Variants in ENOX2 observed in about 807,000 individuals in gnomAD.
The protein encoded by ENOX2 is ecto-NOX disulfide-thiol exchanger 2, also known as APK1 antigen.
In ENOX2, 36 loss-of-function variants were observed where a neutral mutation model predicts 45.0. That is an observed-to-expected ratio of 0.80 (90% CI 0.61 to 1.06). The LOEUF (loss-of-function observed/expected upper bound fraction) is 1.06. Ranked by LOEUF, ENOX2 falls within the 50% of genes least tolerant of loss-of-function variation. The pLI, the probability that ENOX2 is intolerant of heterozygous loss-of-function variation, is 0.00. For missense variants in ENOX2, 423 were observed against 462.5 expected, an observed-to-expected ratio of 0.91 and a Z score of 0.78; for synonymous variants, 174 against 152.3, an observed-to-expected ratio of 1.14 and a Z score of -1.05.
intron 2 of ENOX2, among the ~76,000 whole-genome samples, chrX:130,875,241 A>G (rs1022644805): frequency 3.6e-5 from 4 of 109,646 alleles, no homozygotes; most frequent in African/African-American, 1.0e-4. Context: ...AATTCAGAGT[A>G]ATTGTTTTTG....
intron 2 of ENOX2, among the ~76,000 whole-genome samples, chrX:130,849,455 T>C (rs1411709589): frequency 8.9e-6 from 1 of 112,169 alleles, no homozygotes; most frequent in Non-Finnish European, 1.9e-5. Context: ...CAATCAAGAA[T>C]AACCACCACC....
chrX:130,766,407 T>C (rs749461568), intron 3 of ENOX2, among the ~76,000 whole-genome samples: 68 of 112,301 alleles, frequency 6.1e-4, no homozygotes, highest in Non-Finnish European at 9.4e-4. Context: ...TAACTTGTCT[T>C]TTCTCATTCT....
rs144353361 is a variant in ENOX2, at chrX:130,807,970, C to T, written c.-182-24280G>A. ...AACAATTCAAGCAAAGCATAGTCAA[C>T]AGATAACCTGATACATAGCAAAAAT... On this transcript the variant is annotated intron_variant, in intron 2 of 14. Transcript: ENST00000394363. 9.4e-3 allele frequency among the ~76,000 whole-genome samples: 1,054 copies of T among 112,464 alleles called. 11 individuals are homozygous for T. Among genetic ancestry groups the T allele is most frequent in the African/African-American group, 0.032 (981 of 30,984 alleles).
At chrX:130,764,981 G>A (rs762094299) in intron 3 of ENOX2, among the ~76,000 whole-genome samples, 1 of 111,605 alleles carries the variant, frequency 9.0e-6, no homozygotes, top group Non-Finnish European at 1.9e-5. Flanking sequence ...AGACACAATA[G>A]GAAGATAATG....
At chrX:130,718,999 C>T (rs1603322837) in intron 3 of ENOX2, among the ~76,000 whole-genome samples, 1 of 112,076 alleles carries the variant, frequency 8.9e-6, no homozygotes, top group African/African-American at 3.2e-5. Context: ...GTGCTCATCA[C>T]CTGATCAGTT....
At chrX:130,812,658 G>A (rs1413543019) in intron 2 of ENOX2, among the ~76,000 whole-genome samples, 1 of 111,965 alleles carries the variant, frequency 8.9e-6, no homozygotes, top group Non-Finnish European at 1.9e-5. Flanking sequence ...AAATGAACAA[G>A]AAACAAATAA....
intron 10 of ENOX2, 97 bp from the exon 11 acceptor site, chrX:130,637,507 C>A: frequency 1.4e-6 from 1 of 735,353 alleles, no homozygotes; most frequent in Non-Finnish European, 2.0e-6. Context: ...TGATGAAGAA[C>A]TTCAGGTTTG....
At chrX:130,848,671 G>A (rs2078154479) in intron 2 of ENOX2, among the ~76,000 whole-genome samples, 3 of 111,927 alleles carry the variant, frequency 2.7e-5, no homozygotes, top group Admixed American at 9.5e-5. Context: ...ATTTGCACCA[G>A]AGAGAACATT....
At chrX:130,652,722 A>G (rs994824175) in intron 10 of ENOX2, among the ~76,000 whole-genome samples, 1 of 112,279 alleles carries the variant, frequency 8.9e-6, no homozygotes, top group Non-Finnish European at 1.9e-5. Context: ...ACTTGATATG[A>G]TTGGTATCCT....
At chrX:130,640,304 G>A (rs1004354680) in intron 10 of ENOX2, among the ~76,000 whole-genome samples, 4 of 112,354 alleles carry the variant, frequency 3.6e-5, no homozygotes, top group South Asian at 3.7e-4. Flanking sequence ...AAAAAGGAAC[G>A]CTTTTACACT....
rs1236996879 is a variant in ENOX2 at position 130,622,394 on chromosome X, A to C, written c.*2920T>G. 1.8e-5 allele frequency among the ~76,000 whole-genome samples: 2 copies of C among 112,125 alleles called. No individual in the cohort carries two copies. The highest frequency in any genetic ancestry group is 3.8e-5 in the Non-Finnish European group (2 of 53,298). ...ATACATTTTGGGGCCAAAATTAAAA[A>C]AAAACTCTATATAACTTGAATGCAG... On this transcript the variant is annotated 3_prime_UTR_variant, in exon 15 of 15. Transcript: ENST00000394363.
intron 10 of ENOX2, among the ~76,000 whole-genome samples, chrX:130,643,603 T>C (rs967526254): frequency 5.4e-5 from 6 of 112,062 alleles, no homozygotes; most frequent in Non-Finnish European, 9.4e-5. Flanking sequence ...AAGAGGAGCA[T>C]TGCATACTAT....
rs2078133849 is a variant in ENOX2 at position 130,847,705 on chromosome X, G to A, written c.-183+53979C>T. ...GTGAAACTAATATCTGCACTCCTAC[G>A]GTGAATGATTAAAGTCAATAAATGT... On this transcript the variant is annotated intron_variant, in intron 2 of 14. Coordinates refer to ENST00000394363, the MANE Select transcript of ENOX2 (RefSeq NM_006375.4). Among the ~76,000 whole-genome samples the A allele has an allele frequency of 3.6e-5, 4 of 112,181 alleles. No individual in the cohort carries two copies. In the South Asian group the frequency reaches 1.5e-3, roughly 42 times the overall value.
intron 3 of ENOX2, among the ~76,000 whole-genome samples, chrX:130,703,911 C>T (rs752471459): frequency 9.0e-6 from 1 of 111,030 alleles, no homozygotes; most frequent in African/African-American, 3.3e-5. Context: ...TAATTATTAC[C>T]ATTATCACTG....
chrX:130,692,768 T>G (rs1451195010), intron 4 of ENOX2, among the ~76,000 whole-genome samples: 1 of 108,253 alleles, frequency 9.2e-6, no homozygotes, highest in Non-Finnish European at 1.9e-5. Flanking sequence ...TTTTGTATTT[T>G]TACTAGAGAA....
chrX:130,729,242 A>T (rs936876442), intron 3 of ENOX2, among the ~76,000 whole-genome samples: 19 of 111,938 alleles, frequency 1.7e-4, no homozygotes, highest in Admixed American at 2.8e-4. Context: ...TTTTCCATGG[A>T]CATATGTATA....
chrX:130,799,033 C>T (rs1298813141), intron 2 of ENOX2, among the ~76,000 whole-genome samples: 1 of 111,647 alleles, frequency 9.0e-6, no homozygotes, highest in South Asian at 3.8e-4. Context: ...TTGAAGGATA[C>T]AAAGTATTGT....
In ENOX2 at chrX:130,625,445, T is replaced by A. The variant is rs1478689222; in HGVS notation, c.1615A>T (p.Ile539Phe). The change falls in exon 15 of 15, where the codon ATC becomes TTC. Residue 539 changes from isoleucine to phenylalanine, a missense_variant and splice_region_variant. By Grantham distance (21) the Ile-to-Phe change is conservative (BLOSUM62 0). This residue lies in a region of ENOX2 where 7 missense variants were observed against 24.0 expected (regional missense o/e 0.29). Coordinates refer to ENST00000394363, the MANE Select transcript of ENOX2 (RefSeq NM_006375.4). ...AGACACTCCACATCGCTGGTGCAGA[T>A]CTGTGGGACAGAGAGAACATCTCCA... ...CSYLHRLDNK[I>F]CTSDVECLMG... 8.3e-7 allele frequency: 1 copy of A among 1,202,899 alleles called. No individual in the cohort carries two copies. The highest frequency in any genetic ancestry group is 1.8e-5 in the African/African-American group (1 of 56,831).
intron 2 of ENOX2, among the ~76,000 whole-genome samples, chrX:130,816,827 G>A (rs1274366898): frequency 2.7e-5 from 3 of 111,452 alleles, no homozygotes; most frequent in Non-Finnish European, 5.6e-5. Context: ...ATGTAGAATC[G>A]AAACCCTAAC....
Sources: allele counts gnomAD v4.1 joint callset (sites outside exome capture counted in the v4.1 genomes callset), GRCh38; gene constraint gnomAD v4.1.1; regional missense constraint gnomAD v4.1.1; transcripts MANE v1.5; gene names NCBI Gene and HGNC (gene_info 2026-07-23, HGNC 2026-07-21).